The following EEF1E1 variants were observed in gnomAD, a reference collection of about 807,000 sequenced individuals.
EEF1E1 encodes eukaryotic translation elongation factor 1 epsilon-1.
A neutral mutation model predicts 19.9 loss-of-function variants in EEF1E1; 19 were observed. The ratio of observed to expected loss-of-function variants is 0.95; its 90% confidence interval spans 0.66 to 1.40. The LOEUF (loss-of-function observed/expected upper bound fraction) is 1.40. Ranked by LOEUF, EEF1E1 falls within the 40% of genes most tolerant of loss-of-function variation. EEF1E1 has a pLI of 0.00. For synonymous variants in EEF1E1, 81 were observed against 80.0 expected, an observed-to-expected ratio of 1.01 and a Z score of -0.07; for missense variants, 198 against 202.2, an observed-to-expected ratio of 0.98 and a Z score of 0.13.
chr6:8,091,756 A>G (rs1758016445), intron 2 of EEF1E1, among the ~76,000 whole-genome samples: 1 of 152,216 alleles, frequency 6.6e-6, no homozygotes, highest in African/African-American at 2.4e-5. Flanking sequence ...TATATGAACT[A>G]TTATTAAATA....
At chr6:8,096,058 T>A (rs1581473561) in intron 2 of EEF1E1, among the ~76,000 whole-genome samples, 1 of 152,312 alleles carries the variant, frequency 6.6e-6, no homozygotes, top group African/African-American at 2.4e-5. Context: ...AACAAGAACA[T>A]CTTAAATCAG....
intron 3 of EEF1E1, chr6:8,073,534 G>A: frequency 1.9e-6 from 3 of 1,551,526 alleles, no homozygotes; most frequent in African/African-American, 1.4e-5. Context: ...TAAAAAAGGA[G>A]TTAATTCACT....
chr6:8,092,503 T>C (rs563923212), intron 2 of EEF1E1, among the ~76,000 whole-genome samples: 23 of 152,238 alleles, frequency 1.5e-4, no homozygotes, highest in Non-Finnish European at 2.9e-4. Flanking sequence ...AAATGGTATA[T>C]GAATATGAGC....
exon 4 of EEF1E1, chr6:8,073,387 C>T (rs1417167369): frequency 2.0e-6 from 3 of 1,494,400 alleles, no homozygotes; most frequent in East Asian, 2.5e-5. Context: ...TATGGCACTC[C>T]ATGTAGAGTA....
Position 8,093,324 on chromosome 6 carries a change from CTTTTTT to C in EEF1E1, c.289-3049_289-3044del, listed in dbSNP as rs57000456. Among the ~76,000 whole-genome samples the C allele has an allele frequency of 8.8e-4, 119 of 135,052 alleles. 1 individual carries two copies. The Middle Eastern group carries it at 0.013, about 14-fold the overall frequency. The allele number at this position is 135,052 out of a possible 152,430, so 88.6% of individuals were successfully genotyped here. ...ACTAATTATGTCTGACATTCGCTTCCTTTTTTTTTTTTTTTTTTTACAATTCTTTCT... is the reference window on the plus strand; with the variant it reads ...ACTAATTATGTCTGACATTCGCTTCCTTTTTTTTTTTTTACAATTCTTTCT... On this transcript the variant is annotated intron_variant, in intron 2 of 3. Transcript: ENST00000379715.
chr6:8,102,067 G>A (rs1015889345), intron 1 of EEF1E1: 2 of 1,172,118 alleles, frequency 1.7e-6, no homozygotes, highest in Non-Finnish European at 2.1e-6. Context: ...CGCAATAACT[G>A]AATGAAAGGT....
intron 2 of EEF1E1, among the ~76,000 whole-genome samples, chr6:8,093,324 C>CA (rs1179178804): frequency 7.4e-6 from 1 of 135,054 alleles, no homozygotes; most frequent in Non-Finnish European, 1.6e-5. Context: ...CATTCGCTTC[C>CA]TTTTTTTTTT....
At chr6:8,101,778 C>T in intron 1 of EEF1E1, 1 of 1,289,358 alleles carries the variant, frequency 7.8e-7, no homozygotes, top group Non-Finnish European at 1.0e-6. Flanking sequence ...GTGATGTTTC[C>T]CGCATTCACT....
intron 3 of EEF1E1, among the ~76,000 whole-genome samples, chr6:8,084,645 G>A (rs1406602210): frequency 2.6e-5 from 4 of 152,202 alleles, no homozygotes; most frequent in African/African-American, 7.2e-5. Context: ...CACAAAGGAC[G>A]ACTGATGATA....
chr6:8,073,451 C>G, exon 4 of EEF1E1: 3 of 1,551,270 alleles, frequency 1.9e-6, no homozygotes, highest in Non-Finnish European at 2.6e-6. Flanking sequence ...GTTCCTTGAT[C>G]TCAGTTCCTT....
At chr6:8,073,579 A>G (rs1757530027) in intron 3 of EEF1E1, 2 of 1,531,680 alleles carry the variant, frequency 1.3e-6, no homozygotes, top group Admixed American at 2.1e-5. Context: ...TACACACTAA[A>G]TGCTCAATAA....
intron 3 of EEF1E1, among the ~76,000 whole-genome samples, chr6:8,082,584 T>C (rs1293330433): frequency 4.6e-5 from 7 of 152,170 alleles, no homozygotes. Flanking sequence ...CAACCCCCTA[T>C]TCTAATAATT....
intron 3 of EEF1E1, among the ~76,000 whole-genome samples, chr6:8,083,370 T>G (rs1388682899): frequency 2.0e-5 from 3 of 152,160 alleles, no homozygotes; most frequent in African/African-American, 4.8e-5. Flanking sequence ...CCAATGGTGC[T>G]CCAAACTTCA....
chr6:8,094,280 C>T (rs1581471484), intron 2 of EEF1E1, among the ~76,000 whole-genome samples: 2 of 151,926 alleles, frequency 1.3e-5, no homozygotes, highest in Admixed American at 6.6e-5. Context: ...AGCTTTTAGC[C>T]TAGCAGTTTC....
chr6:8,085,444 T>C (rs1757828447), intron 3 of EEF1E1, among the ~76,000 whole-genome samples: 1 of 152,206 alleles, frequency 6.6e-6, no homozygotes, highest in South Asian at 2.1e-4. Context: ...TGAGCCATCA[T>C]GCCCAGCCTT....
downstream of EEF1E1, among the ~76,000 whole-genome samples, chr6:8,075,339 A>G (rs1390595485): frequency 1.3e-5 from 2 of 152,254 alleles, no homozygotes; most frequent in Non-Finnish European, 2.9e-5. Context: ...TGTGAAATAC[A>G]TCACGTAAAA....
downstream of EEF1E1, among the ~76,000 whole-genome samples, chr6:8,074,650 G>A (rs1399048747): frequency 6.6e-6 from 1 of 152,194 alleles, no homozygotes; most frequent in African/African-American, 2.4e-5. Flanking sequence ...GCAAGTGCCT[G>A]ACAGAAATGA....
rs764674265 is a variant in EEF1E1, at chr6:8,079,990, A to G, written c.425T>C (p.Val142Ala). ...TVQEKEKYLN[V>A]SRWFCHIQHY... Reference sequence around the variant, plus strand: ...CTGAATGTGACAAAACCAGCGAGACACATTAAGATATTTCTCCTTTTCTTG... The same window carrying G: ...CTGAATGTGACAAAACCAGCGAGACGCATTAAGATATTTCTCCTTTTCTTG... Residue 142 changes from valine to alanine, a missense_variant, in exon 4 of 4, where the codon GTG (valine) becomes GCG (alanine). Coordinates refer to ENST00000379715, the MANE Select transcript of EEF1E1 (RefSeq NM_004280.5). 1 of 1,613,750 alleles carries G rather than the reference A, an allele frequency of 6.2e-7. No homozygotes were observed. Among genetic ancestry groups the G allele is most frequent in the Non-Finnish European group, 8.5e-7 (1 of 1,179,936 alleles).
intron 2 of EEF1E1, among the ~76,000 whole-genome samples, chr6:8,096,758 A>C (rs906376704): frequency 6.6e-6 from 1 of 152,110 alleles, no homozygotes; most frequent in African/African-American, 2.4e-5. Context: ...TTATTTTATT[A>C]TTTGATGCCT....
Sources: gnomAD v4.1 joint callset for allele counts (sites outside exome capture counted in the v4.1 genomes callset) on GRCh38, gnomAD v4.1.1 for gene constraint, MANE v1.5 for transcripts, NCBI Gene and HGNC (gene_info 2026-07-23, HGNC 2026-07-21) for gene names.